Variants in OSBP2 observed in about 807,000 individuals in gnomAD.
OSBP2 encodes the protein oxysterol binding protein 2, also known as oxysterol-binding protein 2.
A neutral mutation model predicts 96.0 loss-of-function variants in OSBP2; 66 were observed. The observed-to-expected ratio is 0.69, with a 90% CI of 0.56 to 0.84. The LOEUF is 0.84. OSBP2 is among the 40% of genes least tolerant of loss of function. The pLI, the probability that OSBP2 is intolerant of heterozygous loss-of-function variation, is 0.00. For missense variants in OSBP2, 1,038 were observed against 1,222.7 expected, an observed-to-expected ratio of 0.85 and a Z score of 2.25; for synonymous variants, 525 against 520.9, an observed-to-expected ratio of 1.01 and a Z score of -0.11.
chr22:30,806,037 C>A (rs762534469), intron 2 of OSBP2, among the ~76,000 whole-genome samples: 2 of 152,200 alleles, frequency 1.3e-5, no homozygotes, highest in Non-Finnish European at 2.9e-5. Flanking sequence ...ATGGTAATAG[C>A]AGCTAAAATG....
chr22:30,717,239 C>T (rs2089477656), intron 1 of OSBP2, among the ~76,000 whole-genome samples: 1 of 151,988 alleles, frequency 6.6e-6, no homozygotes, highest in Admixed American at 6.6e-5. Context: ...GCAAGAGCCA[C>T]TGCACCTTGC....
chr22:30,710,671 T>C (rs1236093692), intron 1 of OSBP2, among the ~76,000 whole-genome samples: 1 of 151,952 alleles, frequency 6.6e-6, no homozygotes, highest in African/African-American at 2.4e-5. Context: ...TGTACAGTGG[T>C]GCGATCTCAG....
chr22:30,783,995 G>T (rs1435707675), intron 2 of OSBP2, among the ~76,000 whole-genome samples: 1 of 152,204 alleles, frequency 6.6e-6, no homozygotes, highest in Non-Finnish European at 1.5e-5. Context: ...TTCCTTCCAG[G>T]AAGAGGCTTC....
chr22:30,877,091 C>G (rs376082314), intron 3 of OSBP2, among the ~76,000 whole-genome samples: 1 of 152,054 alleles, frequency 6.6e-6, no homozygotes, highest in South Asian at 2.1e-4. Flanking sequence ...TCACAATCCC[C>G]GTAGCCCTGT....
At chr22:30,805,835 C>T (rs2090921285) in intron 2 of OSBP2, among the ~76,000 whole-genome samples, 1 of 152,134 alleles carries the variant, frequency 6.6e-6, no homozygotes, top group South Asian at 2.1e-4. Flanking sequence ...GGAAATGTTC[C>T]CTCCAGGAGA....
At chr22:30,843,828 A>G (rs1308202342) in intron 2 of OSBP2, among the ~76,000 whole-genome samples, 4 of 151,616 alleles carry the variant, frequency 2.6e-5, no homozygotes, top group African/African-American at 7.3e-5. Flanking sequence ...GGATCGTGCC[A>G]CTGCACTCCA....
intron 8 of OSBP2, among the ~76,000 whole-genome samples, chr22:30,892,687 C>A (rs1252351685): frequency 1.3e-5 from 2 of 152,118 alleles, no homozygotes; most frequent in African/African-American, 4.8e-5. Flanking sequence ...GCCCGACTGC[C>A]CCTTGGCTAA....
intron 2 of OSBP2, among the ~76,000 whole-genome samples, chr22:30,758,586 G>A (rs1273670767): frequency 6.6e-6 from 1 of 152,072 alleles, no homozygotes; most frequent in Non-Finnish European, 1.5e-5. Context: ...CCAGAAGTGA[G>A]CAGACAGAGA....
intron 1 of OSBP2, among the ~76,000 whole-genome samples, chr22:30,737,719 CT>C (rs912583232): frequency 0.017 from 2,500 of 146,086 alleles, 62 homozygotes; most frequent in African/African-American, 0.057. Flanking sequence ...GACTCTAAAT[CT>C]TTTTTTTTTT....
At chr22:30,756,652 C>T (rs1354239764) in intron 2 of OSBP2, among the ~76,000 whole-genome samples, 7 of 152,006 alleles carry the variant, frequency 4.6e-5, no homozygotes, top group Admixed American at 3.3e-4. Flanking sequence ...AAGATCATGC[C>T]GCTGCACTCC....
At chr22:30,843,789 G>C (rs1056530669) in intron 2 of OSBP2, among the ~76,000 whole-genome samples, 1 of 152,126 alleles carries the variant, frequency 6.6e-6, no homozygotes, top group Non-Finnish European at 1.5e-5. Flanking sequence ...GATCAGTTGA[G>C]CCCAGGAGTT....
intron 2 of OSBP2, among the ~76,000 whole-genome samples, chr22:30,850,361 TCTG>T (rs1372093195): frequency 6.6e-6 from 1 of 151,938 alleles, no homozygotes; most frequent in Non-Finnish European, 1.5e-5. Context: ...ATTTCTGAAC[TCTG>T]CTATGTTCCA....
At chr22:30,695,669 C>T in intron 1 of OSBP2, 116 bp downstream of exon 1, 1 of 1,491,494 alleles carries the variant, frequency 6.7e-7, no homozygotes, top group Non-Finnish European at 8.9e-7. Flanking sequence ...TGTTTAGGGG[C>T]ATGCATTCCA....
At chr22:30,779,180 C>T (rs2090479060) in intron 2 of OSBP2, among the ~76,000 whole-genome samples, 1 of 151,212 alleles carries the variant, frequency 6.6e-6, no homozygotes, top group African/African-American at 2.4e-5. Flanking sequence ...CCACCGGGTT[C>T]AAGTGGTTCT....
At chr22:30,856,168 A>G (rs2039072798) in intron 2 of OSBP2, among the ~76,000 whole-genome samples, 1 of 152,076 alleles carries the variant, frequency 6.6e-6, no homozygotes, top group South Asian at 2.1e-4. Flanking sequence ...GCTCTGAGAT[A>G]AGGATCTTCT....
At chr22:30,796,684 T>G (rs2090767388) in intron 2 of OSBP2, among the ~76,000 whole-genome samples, 1 of 152,046 alleles carries the variant, frequency 6.6e-6, no homozygotes, top group Admixed American at 6.6e-5. Context: ...TTTTATATTT[T>G]TAGTAGAGAC....
At chr22:30,801,589 C>T (rs980295731) in intron 2 of OSBP2, among the ~76,000 whole-genome samples, 1 of 152,224 alleles carries the variant, frequency 6.6e-6, no homozygotes, top group Non-Finnish European at 1.5e-5. Context: ...CGATCTTTCT[C>T]CTTCAAAGCG....
intron 8 of OSBP2, 48 bp from the exon 9 acceptor site, chr22:30,893,074 C>G (rs1232717388): frequency 1.2e-6 from 2 of 1,604,980 alleles, no homozygotes; most frequent in Non-Finnish European, 1.7e-6. Context: ...CAAGTGGAAC[C>G]TGGGCTCATG....
At chr22:30,813,889 G>C (rs909677797) in intron 2 of OSBP2, among the ~76,000 whole-genome samples, 5 of 151,346 alleles carry the variant, frequency 3.3e-5, no homozygotes, top group African/African-American at 9.7e-5. Flanking sequence ...CGCAACCTCC[G>C]CCTCCCGGGT....
Sources: gnomAD v4.1 joint callset for allele counts (sites outside exome capture counted in the v4.1 genomes callset) on GRCh38, gnomAD v4.1.1 for gene constraint, MANE v1.5 for transcripts, NCBI Gene and HGNC (gene_info 2026-07-23, HGNC 2026-07-21) for gene names.